Variants in NME7 observed in about 807,000 individuals in gnomAD.
The protein encoded by NME7 is NME/NM23 family member 7.
NME7 carries 41 observed loss-of-function variants against 49.1 expected under a neutral mutation model. The ratio of observed to expected loss-of-function variants is 0.83; its 90% CI spans 0.65 to 1.08. NME7 has a LOEUF of 1.08. Ranked by LOEUF, NME7 falls within the 50% of genes least tolerant of loss-of-function variation. NME7 has a pLI of 0.00. For synonymous variants in NME7, 139 were observed against 150.6 expected, an observed-to-expected ratio of 0.92 and a Z score of 0.56; for missense variants, 423 against 463.4, an observed-to-expected ratio of 0.91 and a Z score of 0.80.
intron 8 of NME7, 141 bp downstream of exon 8, chr1:169,237,482 G>A (rs993498393): frequency 2.0e-6 from 1 of 505,290 alleles, no homozygotes; most frequent in East Asian, 3.2e-5. Flanking sequence ...TTGACTACAG[G>A]AAGGTTACTG....
chr1:169,144,774 T>A (rs1014363487), intron 11 of NME7, among the ~76,000 whole-genome samples: 2 of 152,180 alleles, frequency 1.3e-5, no homozygotes, highest in African/African-American at 4.8e-5. Context: ...GCACCTGCCA[T>A]CCCAATTACT....
chr1:169,293,370 C>T (rs1650586961), intron 6 of NME7, among the ~76,000 whole-genome samples: 3 of 151,604 alleles, frequency 2.0e-5, no homozygotes, highest in Non-Finnish European at 2.9e-5. Context: ...GTCTGAAACT[C>T]TAAGGAGAAT....
intron 7 of NME7, among the ~76,000 whole-genome samples, chr1:169,251,562 T>C (rs12029428): frequency 0.12 from 12,993 of 112,072 alleles, 655 homozygotes; most frequent in African/African-American, 0.22. Flanking sequence ...TTTTTTTTTC[T>C]TTTTTTTTTT....
At chr1:169,151,179 C>A (rs1237164213) in intron 11 of NME7, among the ~76,000 whole-genome samples, 2 of 152,082 alleles carry the variant, frequency 1.3e-5, no homozygotes, top group Non-Finnish European at 2.9e-5. Flanking sequence ...CATCTCCACC[C>A]TCATTGCTCT....
At chr1:169,316,449 C>CA (rs1268451673) in intron 3 of NME7, among the ~76,000 whole-genome samples, 2 of 152,094 alleles carry the variant, frequency 1.3e-5, no homozygotes, top group African/African-American at 4.8e-5. Flanking sequence ...GGCAGAATAA[C>CA]ACTACCCCTC....
At chr1:169,366,058 T>C (rs1039171125) in intron 1 of NME7, among the ~76,000 whole-genome samples, 2 of 152,100 alleles carry the variant, frequency 1.3e-5, no homozygotes, top group East Asian at 1.9e-4. Context: ...GAGAGGAAAA[T>C]TGAAATTTAG....
intron 3 of NME7, among the ~76,000 whole-genome samples, chr1:169,310,995 CT>C (rs1571377969): frequency 6.6e-6 from 1 of 152,206 alleles, no homozygotes; most frequent in African/African-American, 2.4e-5. Flanking sequence ...ATTGCTGCTA[CT>C]TTTCCCTCTG....
chr1:169,220,497 C>T (rs1317116064), intron 10 of NME7, among the ~76,000 whole-genome samples: 1 of 151,994 alleles, frequency 6.6e-6, no homozygotes, highest in African/African-American at 2.4e-5. Flanking sequence ...AACTAATATA[C>T]GACATTGAGA....
intron 10 of NME7, among the ~76,000 whole-genome samples, chr1:169,215,777 TAAA>T (rs1331791643): frequency 6.6e-6 from 1 of 152,174 alleles, no homozygotes; most frequent in Non-Finnish European, 1.5e-5. Context: ...TATTAAATCA[TAAA>T]AAGAAGGAAA....
At chr1:169,170,629 A>G (rs1557971904) in intron 10 of NME7, among the ~76,000 whole-genome samples, 1 of 152,130 alleles carries the variant, frequency 6.6e-6, no homozygotes, top group East Asian at 1.9e-4. Context: ...TTAAAAACCT[A>G]CTCAGCTGCG....
At chr1:169,220,979 A>G (rs766539691) in intron 10 of NME7, among the ~76,000 whole-genome samples, 2 of 152,162 alleles carry the variant, frequency 1.3e-5, no homozygotes, top group Non-Finnish European at 2.9e-5. Flanking sequence ...TTCACCTTCC[A>G]TTTTCTCATC....
At chr1:169,337,589 G>A (rs1250391652) in intron 1 of NME7, among the ~76,000 whole-genome samples, 2 of 152,218 alleles carry the variant, frequency 1.3e-5, no homozygotes, top group African/African-American at 2.4e-5. Context: ...ATGCAGAGGA[G>A]GTGCCAAGAG....
At chr1:169,308,290 T>A (rs1651257883) in intron 4 of NME7, among the ~76,000 whole-genome samples, 1 of 152,166 alleles carries the variant, frequency 6.6e-6, no homozygotes, top group Non-Finnish European at 1.5e-5. Flanking sequence ...CTGACTTGAA[T>A]GTCTACTGCT....
At chr1:169,173,627 T>C (rs1659666775) in intron 10 of NME7, among the ~76,000 whole-genome samples, 1 of 152,100 alleles carries the variant, frequency 6.6e-6, no homozygotes, top group Non-Finnish European at 1.5e-5. Context: ...GTAAAAAATA[T>C]TGAAATACTA....
intron 10 of NME7, among the ~76,000 whole-genome samples, chr1:169,227,986 A>AAT (rs35983758): frequency 3.9e-4 from 59 of 150,646 alleles, no homozygotes; most frequent in African/African-American, 7.8e-4. Flanking sequence ...TTTATTACAT[A>AAT]ATATATATAT....
rs781777193 is a variant in NME7 at position 169,310,004 on chromosome 1, T to C, written c.355A>G (p.Thr119Ala). The C allele has an allele frequency of 5.6e-6, 9 of 1,605,138 alleles. No individual in the cohort carries two copies. Among genetic ancestry groups the C allele is most frequent in the South Asian group, 5.6e-5 (5 of 89,656 alleles). The change falls in exon 4 of 12, where the codon ACT (threonine) becomes GCT (alanine). Residue 119 changes from threonine (T) to alanine (A), a missense_variant. Thr to Ala is a moderately conservative substitution (Grantham distance 58). Coordinates refer to ENST00000367811, the MANE Select transcript of NME7 (RefSeq NM_013330.5). ...IIEIINKAGF[T>A]ITKLKMMMLS... Reference sequence around the variant, plus strand: ...ATCATCATTTTGAGTTTGGTTATAGTAAATCCAGCTTTGTTTATTATTTCA... The same window carrying C: ...ATCATCATTTTGAGTTTGGTTATAGCAAATCCAGCTTTGTTTATTATTTCA...
intron 7 of NME7, among the ~76,000 whole-genome samples, chr1:169,244,460 C>T (rs1161991861): frequency 6.6e-6 from 1 of 151,586 alleles, no homozygotes; most frequent in Admixed American, 6.6e-5. Context: ...GGTGAAACCT[C>T]ATCTCTACTA....
chr1:169,349,077 T>A (rs1235479256), intron 1 of NME7, among the ~76,000 whole-genome samples: 2 of 152,112 alleles, frequency 1.3e-5, no homozygotes, highest in Non-Finnish European at 2.9e-5. Context: ...CAATAAGTGA[T>A]AGATATTAAC....
At chr1:169,310,414 T>A (rs1291002849) in intron 3 of NME7, among the ~76,000 whole-genome samples, 2 of 152,182 alleles carry the variant, frequency 1.3e-5, no homozygotes, top group Non-Finnish European at 2.9e-5. Flanking sequence ...AAAGGACTAA[T>A]CTCTAAAACA....
Sources: allele counts gnomAD v4.1 joint callset (sites outside exome capture counted in the v4.1 genomes callset), GRCh38; gene constraint gnomAD v4.1.1; transcripts MANE v1.5; gene names NCBI Gene and HGNC (gene_info 2026-07-23, HGNC 2026-07-21).